OTOGL: variants seen among roughly 807,000 people sequenced by gnomAD.
OTOGL encodes the protein otogelin-like protein.
In OTOGL, 285 loss-of-function variants were observed where a neutral mutation model predicts 318.5. The observed-to-expected ratio is 0.89, with a 90% CI of 0.81 to 0.99. The LOEUF is 0.99. OTOGL is among the 50% of genes least tolerant of loss of function. OTOGL has a pLI of 0.00. For synonymous variants in OTOGL, 987 were observed against 936.5 expected (o/e 1.05, Z -0.99); for missense variants, 2,899 against 2,845.6 (o/e 1.02, Z -0.43).
At chr12:80,214,649 T>C (rs1219731712) in intron 4 of OTOGL, among the ~76,000 whole-genome samples, 1 of 152,132 alleles carries the variant, frequency 6.6e-6, no homozygotes, top group Non-Finnish European at 1.5e-5. Context: ...ATTTGAACCA[T>C]GTCTCTTTTT....
At position 80,147,026 on chromosome 12, in the gene OTOGL, T is replaced by G. The variant is rs547012710; in HGVS notation, c.-20+47421T>G. On this transcript the variant is annotated intron_variant, in intron 1 of 58. Transcript: ENST00000547103. ...ACCAGCTCCTGGATTCATTAATTTT[T>G]TGAAGGGTTTTTTGTGTCTCTATTT... 2.3e-4 allele frequency among the ~76,000 whole-genome samples: 35 copies of G among 151,978 alleles called. No homozygotes were observed. The South Asian group carries it at 6.9e-3, about 30-fold the overall frequency.
Position 80,279,172 on chromosome 12 carries a change from T to TCACA in OTOGL, c.2928+7_2928+10dup. 6.3e-7 allele frequency: 1 copy of TCACA among 1,584,132 alleles called. No homozygotes were observed. The highest frequency in any genetic ancestry group is 1.1e-5 in the South Asian group (1 of 88,226). On this transcript the variant is annotated splice_region_variant and intron_variant, in intron 26 of 58. Coordinates refer to ENST00000547103, the MANE Select transcript of OTOGL (RefSeq NM_001378609.3). ...GCCAGGTGTTTTTGATAAAGGTAGG[T>TCACA]CACAGTTACACATTTTTATTTGCAT...
Position 80,251,772 on chromosome 12 carries a change from G to T in OTOGL, c.1132G>T (p.Asp378Tyr), listed in dbSNP as rs1291446663. The T allele has an allele frequency of 1.9e-6, 3 of 1,586,112 alleles. No homozygotes were observed. Among genetic ancestry groups the T allele is most frequent in the Non-Finnish European group, 2.6e-6 (3 of 1,164,974 alleles). Reference sequence around the variant, plus strand: ...CTCTCATGCTGGCTACCCTATTCAAGACTGGAGAGATGACTTTCCAGCATG... The same window carrying T: ...CTCTCATGCTGGCTACCCTATTCAATACTGGAGAGATGACTTTCCAGCATG... ...ACSHAGYPIQ[D>Y]WRDDFPACTD... Residue 378 changes from aspartate to tyrosine, a missense_variant, in exon 12 of 59, where the codon GAC becomes TAC. Asp to Tyr is a radical substitution (Grantham distance 160, BLOSUM62 -3). Around this residue, in one of 3 missense-constraint regions of OTOGL, gnomAD observed 2,607 missense variants for 2,524.9 expected, o/e 1.03. Coordinates refer to ENST00000547103, the MANE Select transcript of OTOGL (RefSeq NM_001378609.3).
At chr12:80,307,419 G>A (rs1292096275) in intron 29 of OTOGL, among the ~76,000 whole-genome samples, 3 of 149,712 alleles carry the variant, frequency 2.0e-5, no homozygotes, top group Non-Finnish European at 3.0e-5. Context: ...CGGACGGGGC[G>A]GCTGGCCAGA....
intron 1 of OTOGL, among the ~76,000 whole-genome samples, chr12:80,125,986 A>G (rs1870808830): frequency 6.6e-6 from 1 of 152,262 alleles, no homozygotes; most frequent in Middle Eastern, 3.4e-3. Context: ...TTTTCAAAAA[A>G]CAAGCTCCTG....
chr12:80,249,882 A>G (rs752890060), intron 11 of OTOGL, among the ~76,000 whole-genome samples: 40 of 152,082 alleles, frequency 2.6e-4, no homozygotes, highest in Admixed American at 5.9e-4. Context: ...CCGTTTTTTA[A>G]GCCGGTCTGA....
chr12:80,263,044 G>A (rs78821297), intron 19 of OTOGL, among the ~76,000 whole-genome samples: 4,443 of 152,220 alleles, frequency 0.029, 117 homozygotes, highest in Admixed American at 0.046. Flanking sequence ...TGGTATGCTG[G>A]AAAGAGCAGA....
chr12:80,155,029 T>C (rs1483980477), intron 1 of OTOGL, among the ~76,000 whole-genome samples: 1 of 152,216 alleles, frequency 6.6e-6, no homozygotes, highest in Admixed American at 6.5e-5. Context: ...TTCCTGATGA[T>C]GTAAGATGTG....
intron 27 of OTOGL, among the ~76,000 whole-genome samples, chr12:80,300,038 C>G (rs1211920689): frequency 6.6e-6 from 1 of 151,990 alleles, no homozygotes; most frequent in African/African-American, 2.4e-5. Context: ...AGAAACAAGT[C>G]AAAGACAAAC....
At chr12:80,340,670 T>C in intron 43 of OTOGL, among the ~76,000 whole-genome samples, 1 of 152,138 alleles carries the variant, frequency 6.6e-6, no homozygotes, top group East Asian at 1.9e-4. Context: ...GAGAGAAGTA[T>C]ACTTCATTAA....
intron 9 of OTOGL, 30 bp downstream of exon 9, chr12:80,233,127 C>T (rs374595291): frequency 3.3e-6 from 5 of 1,516,628 alleles, no homozygotes; most frequent in Non-Finnish European, 4.5e-6. Context: ...TGTGTGGGTA[C>T]CTTCTAAAGC....
chr12:80,361,998 GT>G (rs1203037041), intron 52 of OTOGL, among the ~76,000 whole-genome samples: 1 of 151,980 alleles, frequency 6.6e-6, no homozygotes, highest in Non-Finnish European at 1.5e-5. Flanking sequence ...ACTCCCATTT[GT>G]CCATTTTTCT....
intron 3 of OTOGL, 40 bp downstream of exon 3, chr12:80,210,926 G>C: frequency 2.2e-6 from 3 of 1,374,982 alleles, no homozygotes; most frequent in Non-Finnish European, 2.9e-6. Flanking sequence ...AAAACATAAA[G>C]TTAATGGGAA....
At chr12:80,339,028 T>C in intron 42 of OTOGL, 47 bp from the exon 43 acceptor site, 1 of 1,377,400 alleles carries the variant, frequency 7.3e-7, no homozygotes. Context: ...TCCTAATTTG[T>C]ATATTTAAGT....
intron 55 of OTOGL, among the ~76,000 whole-genome samples, 158 bp from the exon 56 acceptor site, chr12:80,370,412 A>T (rs921782412): frequency 4.2e-5 from 3 of 70,888 alleles, no homozygotes; most frequent in Non-Finnish European, 1.4e-4. Flanking sequence ...ATTTTTAATC[A>T]TTTTAGATAA....
intron 1 of OTOGL, among the ~76,000 whole-genome samples, chr12:80,117,268 T>C (rs556689925): frequency 2.0e-5 from 3 of 150,450 alleles, no homozygotes; most frequent in Non-Finnish European, 4.4e-5. Context: ...CTTAAAAAAA[T>C]ATATATATAT....
At chr12:80,377,685 C>G (rs1891242846) in intron 58 of OTOGL, among the ~76,000 whole-genome samples, 163 bp from the exon 59 acceptor site, 1 of 152,028 alleles carries the variant, frequency 6.6e-6, no homozygotes. Context: ...ACTTATGTGA[C>G]TGATGTTTCA....
intron 44 of OTOGL, among the ~76,000 whole-genome samples, chr12:80,348,498 G>A (rs1288280104): frequency 6.6e-6 from 1 of 152,116 alleles, no homozygotes; most frequent in Non-Finnish European, 1.5e-5. Context: ...TTTGGTACCA[G>A]TACCATGCTG....
At chr12:80,230,600 CAG>C (rs1245058171) in intron 8 of OTOGL, among the ~76,000 whole-genome samples, 1 of 152,036 alleles carries the variant, frequency 6.6e-6, no homozygotes, top group Non-Finnish European at 1.5e-5. Flanking sequence ...AATTTTAACT[CAG>C]AGAAAGCATT....
Sources: allele counts gnomAD v4.1 joint callset (sites outside exome capture counted in the v4.1 genomes callset), GRCh38; gene constraint gnomAD v4.1.1; regional missense constraint gnomAD v4.1.1; transcripts MANE v1.5; gene names NCBI Gene and HGNC (gene_info 2026-07-23, HGNC 2026-07-21).